The following RCBTB2 variants were observed in gnomAD, a reference collection of about 807,000 sequenced individuals.
The protein encoded by RCBTB2 is RCC1 and BTB domain-containing protein 2.
RCBTB2 carries 55 observed loss-of-function variants against 65.4 expected under a neutral mutation model. The ratio of observed to expected loss-of-function variants is 0.84; its 90% confidence interval spans 0.68 to 1.05. RCBTB2 has a LOEUF of 1.05. Among genes scored for constraint, RCBTB2 ranks in the 50% least tolerant of loss-of-function variants. RCBTB2 has a pLI of 0.00. For synonymous variants in RCBTB2, 220 were observed against 255.2 expected (o/e 0.86, Z 1.31); for missense variants, 599 against 680.1 (o/e 0.88, Z 1.33).
chr13:48,518,470 A>ATATATAT (rs1448523661), intron 4 of RCBTB2, among the ~76,000 whole-genome samples: 2 of 130,844 alleles, frequency 1.5e-5, no homozygotes, highest in African/African-American at 3.4e-5. Context: ...AAAAAAAAAA[A>ATATATAT]AAATATATAT....
intron 14 of RCBTB2, 127 bp downstream of exon 14, chr13:48,496,064 T>A: frequency 4.6e-6 from 4 of 875,232 alleles, no homozygotes; most frequent in Non-Finnish European, 6.1e-6. Flanking sequence ...AGTACTCTTG[T>A]TACTTCATTT....
intron 6 of RCBTB2, 86 bp downstream of exon 6, chr13:48,515,119 G>T: frequency 1.6e-6 from 2 of 1,215,006 alleles, no homozygotes; most frequent in Non-Finnish European, 2.3e-6. Flanking sequence ...TTCACAGGAA[G>T]AGCTAGCAAC....
Position 48,507,953 on chromosome 13 carries a change from T to G in RCBTB2, c.926+2676A>C, listed in dbSNP as rs563856684. On this transcript the variant is annotated intron_variant, in intron 10 of 14. Transcript: ENST00000344532. Reference sequence around the variant, plus strand: ...AACTTATTTTTATGTAAACATAAATTGCTGACAAATATCAGTATTCTCCAT... The same window carrying G: ...AACTTATTTTTATGTAAACATAAATGGCTGACAAATATCAGTATTCTCCAT... 3.9e-5 allele frequency among the ~76,000 whole-genome samples: 6 copies of G among 152,350 alleles called. No individual in the cohort carries two copies. The South Asian group carries it at 8.3e-4, about 21-fold the overall frequency.
chr13:48,526,347 G>A (rs1485961653), intron 1 of RCBTB2, among the ~76,000 whole-genome samples: 12 of 152,062 alleles, frequency 7.9e-5, no homozygotes, highest in Middle Eastern at 3.4e-3. Flanking sequence ...ACTAGCCTGG[G>A]CAACATAGGA....
intron 13 of RCBTB2, among the ~76,000 whole-genome samples, chr13:48,499,301 A>ACT (rs527576066): frequency 6.6e-5 from 10 of 152,262 alleles, no homozygotes; most frequent in African/African-American, 2.4e-4. Flanking sequence ...ACTCAGGCCC[A>ACT]CAGTCTGAAA....
chr13:48,508,436 T>C (rs1950612294), intron 10 of RCBTB2, among the ~76,000 whole-genome samples: 1 of 150,702 alleles, frequency 6.6e-6, no homozygotes, highest in Non-Finnish European at 1.5e-5. Context: ...TGAGACAGAG[T>C]CTCACTCTAC....
At chr13:48,524,948 T>A (rs922420773) in intron 1 of RCBTB2, among the ~76,000 whole-genome samples, 191 bp from the exon 2 acceptor site, 4 of 152,136 alleles carry the variant, frequency 2.6e-5, no homozygotes, top group African/African-American at 9.7e-5. Context: ...TTATAAAATG[T>A]AACTTTAGAA....
At chr13:48,529,425 T>C (rs752807712) in intron 1 of RCBTB2, among the ~76,000 whole-genome samples, 11 of 152,186 alleles carry the variant, frequency 7.2e-5, no homozygotes, top group Non-Finnish European at 1.5e-4. Flanking sequence ...ATACAGGACA[T>C]ATTATAATGC....
At chr13:48,529,183 G>C (rs1349151424) in intron 1 of RCBTB2, among the ~76,000 whole-genome samples, 2 of 152,134 alleles carry the variant, frequency 1.3e-5, no homozygotes, top group Non-Finnish European at 2.9e-5. Context: ...ACTAATGTGA[G>C]TTGAGATTTG....
At chr13:48,522,180 A>C in intron 3 of RCBTB2, 128 bp downstream of exon 3, 1 of 737,980 alleles carries the variant, frequency 1.4e-6, no homozygotes, top group South Asian at 1.7e-5. Flanking sequence ...TCTTACGGGA[A>C]TCTTCCTGCT....
chr13:48,517,270 G>A (rs940877484), intron 4 of RCBTB2, among the ~76,000 whole-genome samples: 2 of 152,156 alleles, frequency 1.3e-5, no homozygotes, highest in Admixed American at 1.3e-4. Flanking sequence ...CTTGAAAGGA[G>A]CTAACAATGC....
intron 1 of RCBTB2, among the ~76,000 whole-genome samples, chr13:48,526,630 A>G (rs1376127683): frequency 6.6e-6 from 1 of 152,168 alleles, no homozygotes; most frequent in African/African-American, 2.4e-5. Flanking sequence ...GAAAATAAAA[A>G]TAGCCTGGGC....
At chr13:48,506,522 G>A (rs1164488729) in intron 10 of RCBTB2, among the ~76,000 whole-genome samples, 4 of 152,202 alleles carry the variant, frequency 2.6e-5, no homozygotes, top group African/African-American at 9.7e-5. Flanking sequence ...TTAATGCAGA[G>A]GGAGGGAGAG....
intron 1 of RCBTB2, among the ~76,000 whole-genome samples, chr13:48,529,381 G>A (rs1426593435): frequency 2.6e-5 from 4 of 152,044 alleles, no homozygotes; most frequent in Non-Finnish European, 4.4e-5. Context: ...GATTGGTTTT[G>A]TTCAGTATTA....
intron 1 of RCBTB2, among the ~76,000 whole-genome samples, chr13:48,531,743 A>C (rs1952138456): frequency 6.6e-6 from 1 of 152,242 alleles, no homozygotes; most frequent in Non-Finnish European, 1.5e-5. Context: ...TTCACCTAGA[A>C]TACTCATTCT....
At chr13:48,532,780 C>G (rs948496978) in intron 1 of RCBTB2, 1 of 306,658 alleles carries the variant, frequency 3.3e-6, no homozygotes, top group South Asian at 2.3e-5. Flanking sequence ...CCTCTGCCTG[C>G]GGCCTGGGCT....
chr13:48,498,514 T>C (rs770431194), intron 13 of RCBTB2, among the ~76,000 whole-genome samples: 11 of 152,140 alleles, frequency 7.2e-5, no homozygotes, highest in Non-Finnish European at 1.3e-4. Context: ...GCGGATCACC[T>C]GAGGTCGGGA....
At chr13:48,500,808 A>G (rs947919705) in intron 12 of RCBTB2, among the ~76,000 whole-genome samples, 2 of 152,166 alleles carry the variant, frequency 1.3e-5, no homozygotes, top group Admixed American at 1.3e-4. Flanking sequence ...GGGCCATAGT[A>G]CTGTGTTACA....
chr13:48,528,475 T>G (rs1314534438), intron 1 of RCBTB2, among the ~76,000 whole-genome samples: 1 of 152,174 alleles, frequency 6.6e-6, no homozygotes, highest in Non-Finnish European at 1.5e-5. Flanking sequence ...TTGATGATGC[T>G]TTTATAATCA....
Sources: gnomAD v4.1 joint callset for allele counts (sites outside exome capture counted in the v4.1 genomes callset) on GRCh38, gnomAD v4.1.1 for gene constraint, MANE v1.5 for transcripts, NCBI Gene and HGNC (gene_info 2026-07-23, HGNC 2026-07-21) for gene names.